Variants in GATA5 observed in about 807,000 individuals in gnomAD.
GATA5 encodes the protein transcription factor GATA-5.
GATA5 carries 27 observed loss-of-function variants against 35.0 expected under a neutral mutation model. The ratio of observed to expected loss-of-function variants is 0.77; its 90% CI spans 0.57 to 1.06. GATA5 has a LOEUF of 1.06. Among genes scored for constraint, GATA5 ranks in the 50% least tolerant of loss-of-function variants. The pLI is 0.00. For missense variants in GATA5, 612 were observed against 580.0 expected (o/e 1.06, Z -0.57); for synonymous variants, 306 against 267.8 (o/e 1.14, Z -1.39).
Position 62,475,504 on chromosome 20 carries a change from C to T in GATA5, c.18G>A (p.Ala6=). The part of the protein sequence containing the change: MYQSL[A]LAASPRQAAY... Reference sequence around the variant, plus strand: ...CGGCCTGGCGGGGGCTCGCGGCCAGCGCCAGGCTCTGGTACATCCTCCCAG... The same window carrying T: ...CGGCCTGGCGGGGGCTCGCGGCCAGTGCCAGGCTCTGGTACATCCTCCCAG... Residue 6 remains alanine (A), a synonymous_variant, in exon 2 of 7, where the codon GCG becomes GCA. Transcript: ENST00000252997. 7.6e-7 allele frequency: 1 copy of T among 1,320,508 alleles called. No homozygotes were observed. The highest frequency in any genetic ancestry group is 9.6e-7 in the Non-Finnish European group (1 of 1,037,212). 81.8% of individuals were successfully genotyped at this position (1,320,508 alleles called of 1,614,324 possible). A position where few individuals can be genotyped will look rare whatever the true frequency, so the allele number is the denominator to read the frequency against.
At position 62,475,165 on chromosome 20, in the gene GATA5, C is replaced by T. The variant is rs1404542694; in HGVS notation, c.357G>A (p.Ala119=). The T allele has an allele frequency of 3.1e-6, 4 of 1,302,854 alleles. No homozygotes were observed. Among genetic ancestry groups the T allele is most frequent in the Non-Finnish European group, 3.9e-6 (4 of 1,021,892 alleles). 80.7% of individuals were successfully genotyped at this position (1,302,854 alleles called of 1,614,324 possible). Residue 119 remains alanine (A), a synonymous_variant, in exon 2 of 7, where the codon GCG becomes GCA. Coordinates refer to ENST00000252997, the MANE Select transcript of GATA5 (RefSeq NM_080473.5). ...GGRDGSAYQG[A]LLPREQFAAP... is the part of the protein sequence containing the mutation. The stretch of plus-strand genomic sequence containing the variant: ...CCGCGAACTGTTCTCGAGGCAACAG[C>T]GCGCCCTGGTAGGCACTGCCGTCTC...
Position 62,464,663 on chromosome 20 carries a change from G to A in GATA5, c.*173C>T, listed in dbSNP as rs1016735947. The A allele has an allele frequency of 3.8e-5, 20 of 529,552 alleles. No homozygotes were observed. The highest frequency in any genetic ancestry group is 7.2e-5 in the South Asian group (2 of 27,636). The allele number at this position is 529,552 out of a possible 1,614,324, so 32.8% of individuals were successfully genotyped here. On this transcript the variant is annotated 3_prime_UTR_variant, in exon 7 of 7. Transcript: ENST00000252997. ...CACCAGCCTTCTTGCTCTGGGGCCC[G>A]ACTGCCGTCTGTCCAGAAGGCCTCC... is the stretch of plus-strand genomic sequence containing the variant.
At chr20:62,473,077 A>C (rs561819268) in intron 3 of GATA5, among the ~76,000 whole-genome samples, 50 of 152,232 alleles carry the variant, frequency 3.3e-4, no homozygotes, top group African/African-American at 1.1e-3. Flanking sequence ...TCCTGGCAGC[A>C]GGCCTTCTTG....
rs559311606 is a variant in GATA5 at position 62,470,069 on chromosome 20, G to A, written c.699+3334C>T. Among the ~76,000 whole-genome samples, 76 of 152,300 alleles carry A rather than the reference G, an allele frequency of 5.0e-4. No homozygotes were observed. The highest frequency in any genetic ancestry group is 9.8e-4 in the Admixed American group (15 of 15,308). ...CTGCATTTCGTTTTTCTTTTTTGTCGGTTCTTTTCAAAAGAAGTCAAACTT... is the reference window on the plus strand; with the variant it reads ...CTGCATTTCGTTTTTCTTTTTTGTCAGTTCTTTTCAAAAGAAGTCAAACTT... On this transcript the variant is annotated intron_variant, in intron 3 of 6. Coordinates refer to ENST00000252997, the MANE Select transcript of GATA5 (RefSeq NM_080473.5). This position sits in a 1 kb window ranked among gnomAD's most constrained non-coding sequence, Gnocchi z 4.6.
At chr20:62,474,812 C>T (rs973482431) in intron 2 of GATA5, among the ~76,000 whole-genome samples, 187 bp downstream of exon 2, 4 of 152,258 alleles carry the variant, frequency 2.6e-5, no homozygotes, top group Non-Finnish European at 5.9e-5. Flanking sequence ...AAACAGAATT[C>T]TGGATGGGTG....
intron 4 of GATA5, 29 bp from the exon 5 acceptor site, chr20:62,465,950 G>A: frequency 6.7e-7 from 1 of 1,498,054 alleles, no homozygotes; most frequent in African/African-American, 1.4e-5. Flanking sequence ...GTGGAGGCTG[G>A]TCCCATCCCT....
chr20:62,475,270 G>C lies in GATA5; in HGVS notation c.252C>G (p.Ala84=), dbSNP rs1989827161. The C allele has an allele frequency of 3.2e-6, 4 of 1,245,762 alleles. No individual in the cohort carries two copies. In the South Asian group the frequency reaches 1.4e-4, roughly 44 times the overall value. The allele number at this position is 1,245,762 out of a possible 1,614,324, so 77.2% of individuals were successfully genotyped here. Residue 84 remains alanine (A), a synonymous_variant, in exon 2 of 7, where the codon GCC becomes GCG. Transcript: ENST00000252997. Reference sequence around the variant, plus strand: ...AGGCGGTGGCCCCGGGCGGGTGCGCGGCTGGGGGGTGCGGACTGCCCGGGC... The same window carrying C: ...AGGCGGTGGCCCCGGGCGGGTGCGCCGCTGGGGGGTGCGGACTGCCCGGGC... ...AFGPGSPHPP[A]AHPPGATAFP...
At position 62,473,597 on chromosome 20, in the gene GATA5, G is replaced by A; in HGVS notation, c.524-19C>T. 1 of 1,566,500 alleles carries A rather than the reference G, an allele frequency of 6.4e-7. No homozygotes were observed. ...TCGGACACTGAGGGGACAGGCAGCT[G>A]GTGGGCCCGGGCCCTCCCCTCCCCA... On this transcript the variant is annotated intron_variant, in intron 2 of 6. Coordinates refer to ENST00000252997, the MANE Select transcript of GATA5 (RefSeq NM_080473.5).
chr20:62,470,585 A>G lies in GATA5; in HGVS notation c.699+2818T>C, dbSNP rs921218134. ...GGGTGGGTGTTAGGTGCCTGACTCC[A>G]GGTAAGGACCAGTCTTGCTCAGCGG... On this transcript the variant is annotated intron_variant, in intron 3 of 6. Coordinates refer to ENST00000252997, the MANE Select transcript of GATA5 (RefSeq NM_080473.5). This position sits in a 1 kb window ranked among gnomAD's most constrained non-coding sequence, Gnocchi z 4.6. Among the ~76,000 whole-genome samples, 8 of 152,184 alleles carry G rather than the reference A, an allele frequency of 5.3e-5. No homozygotes were observed. The East Asian group carries it at 1.5e-3, about 29-fold the overall frequency.
intron 3 of GATA5, 67 bp from the exon 4 acceptor site, chr20:62,466,618 G>A (rs1197846723): frequency 4.6e-6 from 7 of 1,511,094 alleles, no homozygotes; most frequent in African/African-American, 1.4e-5. Flanking sequence ...GGGGACGGAA[G>A]CGAGACTCAG....
chr20:62,465,062 C>A, intron 6 of GATA5, 71 bp from the exon 7 acceptor site: 1 of 1,103,872 alleles, frequency 9.1e-7, no homozygotes, highest in Non-Finnish European at 1.3e-6. Context: ...AAGCTGCAGC[C>A]TCTTAGGTCA....
rs1191065430 is a variant in GATA5, at chr20:62,464,964, C to T, written c.1066G>A (p.Ala356Thr). The T allele has an allele frequency of 2.1e-6, 3 of 1,455,348 alleles. No homozygotes were observed. The highest frequency in any genetic ancestry group is 3.0e-5 in the African/African-American group (2 of 65,734). 90.2% of individuals were successfully genotyped at this position (1,455,348 alleles called of 1,614,324 possible). ...AACTTGAACTCCAAGTGGCCGGGGG[C>T]AAGAGAGTCATCCTCCTGGCCAGAG... The part of the protein sequence containing the change: ...QASGQEDDSL[A>T]PGHLEFKFEP... Residue 356 changes from alanine (A) to threonine (T), a missense_variant, in exon 7 of 7, where the codon GCC (alanine) becomes ACC (threonine). Transcript: ENST00000252997.
intron 3 of GATA5, among the ~76,000 whole-genome samples, chr20:62,467,052 T>C (rs1989611179): frequency 6.6e-6 from 1 of 152,168 alleles, no homozygotes; most frequent in Non-Finnish European, 1.5e-5. Flanking sequence ...CCTGCCTATG[T>C]CTCCCCATTG....
chr20:62,467,609 C>T (rs1262091818), intron 3 of GATA5, among the ~76,000 whole-genome samples: 2 of 152,224 alleles, frequency 1.3e-5, no homozygotes, highest in African/African-American at 4.8e-5. Context: ...GGTCCAGGTC[C>T]CCGGCCTCTC....
chr20:62,467,612 G>A (rs888795634), intron 3 of GATA5, among the ~76,000 whole-genome samples: 3 of 152,274 alleles, frequency 2.0e-5, no homozygotes, highest in East Asian at 1.9e-4. Context: ...CCAGGTCCCC[G>A]GCCTCTCTTG....
At position 62,475,710 on chromosome 20, in the gene GATA5, T is replaced by C. The variant is rs531907352; in HGVS notation, c.-21-168A>G. 2.6e-5 allele frequency among the ~76,000 whole-genome samples: 4 copies of C among 151,618 alleles called. No homozygotes were observed. The South Asian group carries it at 6.3e-4, about 24-fold the overall frequency. On this transcript the variant is annotated intron_variant, in intron 1 of 6. Coordinates refer to ENST00000252997, the MANE Select transcript of GATA5 (RefSeq NM_080473.5). ...ACCCGAGGGAGAGGAACCGCGGGGA[T>C]GGGAGAGGCCAGCGCGTCATCCCCG... is the stretch of plus-strand genomic sequence containing the variant.
At position 62,475,093 on chromosome 20, in the gene GATA5, C is replaced by T. The variant is rs1555896983; in HGVS notation, c.429G>A (p.Pro143=). 12 of 1,404,138 alleles carry T rather than the reference C, an allele frequency of 8.5e-6. No homozygotes were observed. The highest frequency in any genetic ancestry group is 1.5e-5 in the African/African-American group (1 of 66,424). The allele number at this position is 1,404,138 out of a possible 1,614,324, so 87.0% of individuals were successfully genotyped here. ...PVGTSYSATY[P]AYVSPDVAQS... The stretch of plus-strand genomic sequence containing the variant: ...GGGCCACGTCGGGGCTCACGTAGGC[C>T]GGGTAGGTGGCGGAGTACGAGGTCC... Residue 143 remains proline, a synonymous_variant, in exon 2 of 7, where the codon CCG becomes CCA. Coordinates refer to ENST00000252997, the MANE Select transcript of GATA5 (RefSeq NM_080473.5).
intron 3 of GATA5, among the ~76,000 whole-genome samples, 163 bp downstream of exon 3, chr20:62,473,240 C>A (rs1989764018): frequency 6.6e-6 from 1 of 152,266 alleles, no homozygotes; most frequent in Non-Finnish European, 1.5e-5. Flanking sequence ...TCAAAGAAGA[C>A]CTGAGCCGGC....
At chr20:62,475,824 C>A in intron 1 of GATA5, 106 bp downstream of exon 1, 1 of 256,252 alleles carries the variant, frequency 3.9e-6, no homozygotes, top group Non-Finnish European at 7.4e-6. Context: ...GAAGGACGGG[C>A]CTGGCGCGGC....
Sources: allele counts gnomAD v4.1 joint callset (sites outside exome capture counted in the v4.1 genomes callset), GRCh38; gene constraint gnomAD v4.1.1; non-coding constraint Gnocchi (gnomAD v3.1); transcripts MANE v1.5; gene names NCBI Gene and HGNC (gene_info 2026-07-23, HGNC 2026-07-21).